The following HYLS1 variants were observed in gnomAD, a reference collection of about 807,000 sequenced individuals.
HYLS1 encodes the protein HYLS1 centriolar and ciliogenesis associated.
In HYLS1, 25 loss-of-function variants were observed where a neutral mutation model predicts 29.4. The ratio of observed to expected loss-of-function variants is 0.85; its 90% confidence interval spans 0.62 to 1.19. HYLS1 has a LOEUF of 1.19. Among genes scored for constraint, HYLS1 ranks in the 50% most tolerant of loss-of-function variants. The pLI is 0.00. For synonymous variants in HYLS1, 128 were observed against 126.7 expected (o/e 1.01, Z -0.07); for missense variants, 352 against 365.1 (o/e 0.96, Z 0.29).
rs202176811 is a variant in HYLS1, at chr11:125,896,221, C to T, written c.-25-3123C>T. 51 of 1,614,094 alleles carry T rather than the reference C, an allele frequency of 3.2e-5. No individual in the cohort carries two copies. In the Middle Eastern group the frequency reaches 5.0e-4, roughly 16 times the overall value. ...TTTTTAAGTCTTTGCACCTCTTGCT[C>T]CAGTTCTCGTACTCTTTTTAGGAGC... is the stretch of plus-strand genomic sequence containing the variant. On this transcript the variant is annotated intron_variant, in intron 2 of 2. Transcript: ENST00000425380.
At chr11:125,890,275 ATC>A (rs1185637788) in intron 1 of HYLS1, among the ~76,000 whole-genome samples, 1 of 141,754 alleles carries the variant, frequency 7.1e-6, no homozygotes, top group African/African-American at 2.6e-5. Context: ...TTGGTACGGC[ATC>A]TGTCTTTTCT....
At chr11:125,893,925 T>A in intron 2 of HYLS1, 1 of 1,614,182 alleles carries the variant, frequency 6.2e-7, no homozygotes. Flanking sequence ...GGGTGCTCAA[T>A]TCGTCCCCTA....
chr11:125,893,710 A>T lies in HYLS1; in HGVS notation c.-26+2238A>T. The stretch of plus-strand genomic sequence containing the variant: ...ATCATCTGAATTCCTAGTACTTGCA[A>T]GTAAATTTTTTTTTTTTTCCTTTTC... On this transcript the variant is annotated intron_variant, in intron 2 of 2. Transcript: ENST00000425380. 4 of 1,269,152 alleles carry T rather than the reference A, an allele frequency of 3.2e-6. No individual in the cohort carries two copies. The Middle Eastern group carries it at 8.0e-4, about 255-fold the overall frequency. The allele number at this position is 1,269,152 out of a possible 1,614,324, so 78.6% of individuals were successfully genotyped here.
rs938015112 is a variant in HYLS1, at chr11:125,887,709, G to A, written c.-132G>A. On this transcript the variant is annotated 5_prime_UTR_variant, in exon 1 of 3. Transcript: ENST00000425380. ...TTACGCGAAAGCTAACAGAATCTGC[G>A]GTGCTCTGCTGGCGACTGGCAGGAC... 8 of 152,304 alleles carry A rather than the reference G, an allele frequency of 5.3e-5. No individual in the cohort carries two copies. Among genetic ancestry groups the A allele is most frequent in the Admixed American group, 4.6e-4 (7 of 15,294 alleles). 9.4% of individuals were successfully genotyped at this position (152,304 alleles called of 1,614,324 possible).
At chr11:125,892,494 T>C (rs1169983742) in intron 2 of HYLS1, among the ~76,000 whole-genome samples, 1 of 152,222 alleles carries the variant, frequency 6.6e-6, no homozygotes, top group Non-Finnish European at 1.5e-5. Flanking sequence ...AAGCTCTATC[T>C]CATTTTTCCT....
In HYLS1 at chr11:125,899,895, G is replaced by A; in HGVS notation, c.527G>A (p.Gly176Glu). The change falls in exon 3 of 3, where the codon GGA becomes GAA. Residue 176 changes from glycine (G) to glutamate (E), a missense_variant. By Grantham distance (98) the Gly-to-Glu change is moderately conservative. Coordinates refer to ENST00000425380, the MANE Select transcript of HYLS1 (RefSeq NM_001134793.2). The stretch of plus-strand genomic sequence containing the variant: ...CTCATTTGCTCTCTACAAAGAGAAG[G>A]AATGGGCTCTCCAGCTTACGAACAA... ...DQLICSLQREGMGSPAYEQDL... is the reference protein window; with the variant it reads ...DQLICSLQREEMGSPAYEQDL... 1 of 1,614,192 alleles carries A rather than the reference G, an allele frequency of 6.2e-7. No individual in the cohort carries two copies. Among genetic ancestry groups the A allele is most frequent in the Non-Finnish European group, 8.5e-7 (1 of 1,180,042 alleles).
At chr11:125,896,532 T>C (rs2134248328) in intron 2 of HYLS1, among the ~76,000 whole-genome samples, 1 of 152,360 alleles carries the variant, frequency 6.6e-6, no homozygotes, top group Non-Finnish European at 1.5e-5. Flanking sequence ...GGGAAAGAAC[T>C]GTTTGTTATT....
chr11:125,890,750 C>A (rs1187638838), intron 1 of HYLS1, among the ~76,000 whole-genome samples: 1 of 152,094 alleles, frequency 6.6e-6, no homozygotes, highest in African/African-American at 2.4e-5. Flanking sequence ...AAGGATTGTT[C>A]GATCTTTTAT....
At position 125,894,183 on chromosome 11, in the gene HYLS1, G is replaced by A. The variant is rs1023270270; in HGVS notation, c.-26+2711G>A. ...TTGACAGCATGATTAGCCCACAGTT[G>A]TTGTAGGTGGGTAATATTGAACTCC... On this transcript the variant is annotated intron_variant, in intron 2 of 2. Transcript: ENST00000425380. 2 of 1,613,968 alleles carry A rather than the reference G, an allele frequency of 1.2e-6. No individual in the cohort carries two copies. Among genetic ancestry groups the A allele is most frequent in the Non-Finnish European group, 1.7e-6 (2 of 1,179,998 alleles).
chr11:125,896,857 C>T (rs1166784893), intron 2 of HYLS1, among the ~76,000 whole-genome samples: 1 of 152,064 alleles, frequency 6.6e-6, no homozygotes, highest in Non-Finnish European at 1.5e-5. Context: ...ACTGAAGAAG[C>T]TTACCGATGG....
chr11:125,887,900 T>C (rs1944335718), intron 1 of HYLS1, 135 bp downstream of exon 1: 1 of 150,020 alleles, frequency 6.7e-6, no homozygotes, highest in African/African-American at 2.5e-5. Flanking sequence ...GGATTCCAGG[T>C]CCTGCCTGGC....
chr11:125,895,885 G>A, intron 2 of HYLS1: 1 of 1,605,634 alleles, frequency 6.2e-7, no homozygotes, highest in Non-Finnish European at 8.5e-7. Context: ...CTTGCTTTGA[G>A]AAACAGTGTA....
At chr11:125,896,336 AAG>A in intron 2 of HYLS1, 1 of 1,499,892 alleles carries the variant, frequency 6.7e-7, no homozygotes, top group East Asian at 2.3e-5. Flanking sequence ...CCTGTCTGAA[AAG>A]AGAGCAAAGG....
chr11:125,900,560 C>A lies in HYLS1; in HGVS notation c.*292C>A. 1 of 405,026 alleles carries A rather than the reference C, an allele frequency of 2.5e-6. No homozygotes were observed. The highest frequency in any genetic ancestry group is 4.8e-6 in the Non-Finnish European group (1 of 210,426). 25.1% of individuals were successfully genotyped at this position (405,026 alleles called of 1,614,324 possible). A position where few individuals can be genotyped will look rare whatever the true frequency, so the allele number is the denominator to read the frequency against. Reference sequence around the variant, plus strand: ...CCTTTGTGTCCTGTAACTTTTTTTACCTATCAATATGAGTTGCTGTGCTTC... The same window carrying A: ...CCTTTGTGTCCTGTAACTTTTTTTAACTATCAATATGAGTTGCTGTGCTTC... On this transcript the variant is annotated 3_prime_UTR_variant, in exon 3 of 3. Coordinates refer to ENST00000425380, the MANE Select transcript of HYLS1 (RefSeq NM_001134793.2).
chr11:125,895,682 G>A (rs1944561045), intron 2 of HYLS1: 3 of 1,614,056 alleles, frequency 1.9e-6, no homozygotes, highest in Non-Finnish European at 1.7e-6. Flanking sequence ...GATTGAGAAT[G>A]TGGGTATAAC....
At chr11:125,886,639 TA>T (rs1167762774), upstream of HYLS1, among the ~76,000 whole-genome samples, 15 of 138,426 alleles carry the variant, frequency 1.1e-4, no homozygotes, top group Admixed American at 2.2e-4. Context: ...ACATCGGGTT[TA>T]AAAAAAAAAT....
chr11:125,898,536 G>A (rs989047066), intron 2 of HYLS1, among the ~76,000 whole-genome samples: 24 of 152,172 alleles, frequency 1.6e-4, no homozygotes, highest in Non-Finnish European at 2.5e-4. Flanking sequence ...TTAGCCAGGC[G>A]TGGTGGCCCA....
At chr11:125,887,496 C>T (rs1445950983), upstream of HYLS1, 4 of 152,300 alleles carry the variant, frequency 2.6e-5, no homozygotes, top group Non-Finnish European at 5.9e-5. Context: ...CATGCTCCCG[C>T]CGGCGGAGAA....
chr11:125,900,242 C>T lies in HYLS1; in HGVS notation c.874C>T (p.Leu292Phe), dbSNP rs1347996883. The T allele has an allele frequency of 1.2e-6, 2 of 1,612,316 alleles. No individual in the cohort carries two copies. Among genetic ancestry groups the T allele is most frequent in the African/African-American group, 1.3e-5 (1 of 74,876 alleles). The change falls in exon 3 of 3, where the codon CTT becomes TTT. Residue 292 changes from leucine to phenylalanine, a missense_variant. By Grantham distance (22) the Leu-to-Phe change is conservative. Coordinates refer to ENST00000425380, the MANE Select transcript of HYLS1 (RefSeq NM_001134793.2). ...TGCAAATGGTGTCATACCCAGGAAG[C>T]TTCCCTTCCCTCTTTCTCCTTCTTA... ...DLANGVIPRK[L>F]PFPLSPS
Sources: allele counts gnomAD v4.1 joint callset (sites outside exome capture counted in the v4.1 genomes callset), GRCh38; gene constraint gnomAD v4.1.1; transcripts MANE v1.5; gene names NCBI Gene and HGNC (gene_info 2026-07-23, HGNC 2026-07-21).